The following TESK2 variants were observed in gnomAD, a reference collection of about 807,000 sequenced individuals.
TESK2 encodes the protein dual specificity testis-specific protein kinase 2.
Under a neutral mutation model 57.1 loss-of-function variants are expected in TESK2, and 39 were observed. That is an observed-to-expected ratio of 0.68 (90% CI 0.53 to 0.89). TESK2 has a LOEUF of 0.89. Ranked by LOEUF, TESK2 falls within the 40% of genes least tolerant of loss-of-function variation. TESK2 has a pLI of 0.00. For synonymous variants in TESK2, 249 were observed against 267.9 expected, an observed-to-expected ratio of 0.93 and a Z score of 0.69; for missense variants, 646 against 732.1, an observed-to-expected ratio of 0.88 and a Z score of 1.36.
intron 3 of TESK2, among the ~76,000 whole-genome samples, chr1:45,404,880 T>G (rs543384675): frequency 1.3e-5 from 2 of 152,054 alleles, no homozygotes; most frequent in South Asian, 4.1e-4. Context: ...AAAGATTAAG[T>G]GGCTCACCTA....
At chr1:45,354,180 T>C (rs1450564878) in intron 5 of TESK2, among the ~76,000 whole-genome samples, 1 of 152,204 alleles carries the variant, frequency 6.6e-6, no homozygotes, top group East Asian at 1.9e-4. Flanking sequence ...GAGATTGAAG[T>C]TAAACATGAA....
At chr1:45,433,617 A>G (rs966413959) in intron 2 of TESK2, among the ~76,000 whole-genome samples, 7 of 152,186 alleles carry the variant, frequency 4.6e-5, no homozygotes, top group Admixed American at 2.6e-4. Flanking sequence ...ACAGGATTTC[A>G]TACATTTTTA....
intron 3 of TESK2, among the ~76,000 whole-genome samples, chr1:45,388,247 C>A (rs532770720): frequency 6.6e-6 from 1 of 152,082 alleles, no homozygotes. Context: ...ATAAATTATG[C>A]AGAATGTGGT....
At chr1:45,407,545 C>T (rs1309421031) in intron 3 of TESK2, among the ~76,000 whole-genome samples, 1 of 152,060 alleles carries the variant, frequency 6.6e-6, no homozygotes, top group Non-Finnish European at 1.5e-5. Context: ...CCCATAATTC[C>T]CATTTTGGAG....
intron 2 of TESK2, among the ~76,000 whole-genome samples, chr1:45,453,371 A>G (rs2149298404): frequency 6.6e-6 from 1 of 150,740 alleles, no homozygotes; most frequent in African/African-American, 2.4e-5. Context: ...AAAGAGAGAG[A>G]GAGAGATAAA....
chr1:45,462,064 C>T (rs1652352814), intron 1 of TESK2, among the ~76,000 whole-genome samples: 3 of 152,256 alleles, frequency 2.0e-5, no homozygotes, highest in Admixed American at 2.0e-4. Flanking sequence ...TATTAACCAT[C>T]CCATTTCCCA....
At position 45,457,614 on chromosome 1, in the gene TESK2, C is replaced by A; in HGVS notation, c.172G>T (p.Asp58Tyr). The A allele has an allele frequency of 6.2e-7, 1 of 1,614,074 alleles. No homozygotes were observed. The highest frequency in any genetic ancestry group is 8.5e-7 in the Non-Finnish European group (1 of 1,180,000). The change falls in exon 2 of 11, where the codon GAT (aspartate) becomes TAT (tyrosine). Residue 58 changes from aspartate to tyrosine, a missense_variant. By Grantham distance (160) the Asp-to-Tyr change is radical. Transcript: ENST00000372086. ...GACCCTATTTTTTCACAGGTGAAAT[C>A]ATCCAAACGCGTCAGTCTGGAAAAG... Reference protein sequence around the residue: ...SAFSRLTRLDDFTCEKIGSGF... With the variant: ...SAFSRLTRLDYFTCEKIGSGF...
Position 45,345,028 on chromosome 1 carries a change from G to A in TESK2, c.1528C>T (p.His510Tyr). ...AGAATGGAGCAGTCCATAGCCTCAT[G>A]GGCTTGAGCAGCTGGTAGGGCAGAT... ...RASALPAAQA[H>Y]EAMDCSILQE... is the part of the protein sequence containing the mutation. The change falls in exon 11 of 11, where the codon CAT (histidine) becomes TAT (tyrosine). Residue 510 changes from histidine to tyrosine, a missense_variant. His to Tyr is a moderately conservative substitution (Grantham distance 83). Transcript: ENST00000372086. The A allele has an allele frequency of 6.2e-7, 1 of 1,614,234 alleles. No individual in the cohort carries two copies. The highest frequency in any genetic ancestry group is 8.5e-7 in the Non-Finnish European group (1 of 1,180,036).
Position 45,346,075 on chromosome 1 carries a change from T to C in TESK2, c.880-81A>G. On this transcript the variant is annotated intron_variant, in intron 9 of 10. Coordinates refer to ENST00000372086, the MANE Select transcript of TESK2 (RefSeq NM_007170.3). ...GGCATTTGAGTCTATTTCTGGCATC[T>C]TTGAAGATTCAGATGTGCAGCTGAG... 3 of 1,108,796 alleles carry C rather than the reference T, an allele frequency of 2.7e-6. No individual in the cohort carries two copies. The South Asian group carries it at 3.8e-5, about 14-fold the overall frequency. The allele number at this position is 1,108,796 out of a possible 1,614,324, so 68.7% of individuals were successfully genotyped here.
At chr1:45,369,686 A>C (rs1430859343) in intron 4 of TESK2, among the ~76,000 whole-genome samples, 1 of 151,378 alleles carries the variant, frequency 6.6e-6, no homozygotes, top group Non-Finnish European at 1.5e-5. Flanking sequence ...GCGGACTCTG[A>C]GGCCAGGTCT....
chr1:45,457,518 T>G (rs372750172), intron 2 of TESK2, 46 bp downstream of exon 2: 1 of 1,565,990 alleles, frequency 6.4e-7, no homozygotes, highest in African/African-American at 1.4e-5. Flanking sequence ...CTGCAGTAAA[T>G]GTGACCACAG....
chr1:45,434,866 T>A (rs1290914251), intron 2 of TESK2, among the ~76,000 whole-genome samples: 1 of 152,168 alleles, frequency 6.6e-6, no homozygotes, highest in South Asian at 2.1e-4. Flanking sequence ...ATTTGTCGAT[T>A]TTTGGTTTTG....
chr1:45,418,927 TA>T (rs1182643003), intron 3 of TESK2, among the ~76,000 whole-genome samples: 5 of 150,000 alleles, frequency 3.3e-5, no homozygotes, highest in Admixed American at 1.3e-4. Flanking sequence ...AAAAGTAATT[TA>T]AAAAAAAATT....
intron 2 of TESK2, among the ~76,000 whole-genome samples, chr1:45,425,244 G>A (rs1012481750): frequency 6.6e-6 from 1 of 152,126 alleles, no homozygotes; most frequent in African/African-American, 2.4e-5. Context: ...AAAATCAGTA[G>A]CATTTCTATA....
intron 2 of TESK2, among the ~76,000 whole-genome samples, chr1:45,451,288 C>T (rs531662352): frequency 5.9e-5 from 9 of 152,344 alleles, no homozygotes; most frequent in African/African-American, 1.4e-4. Context: ...CCAGAGTCTT[C>T]CTGTGCCCTT....
intron 3 of TESK2, among the ~76,000 whole-genome samples, chr1:45,386,887 T>G (rs551982388): frequency 2.0e-5 from 3 of 151,766 alleles, no homozygotes; most frequent in Non-Finnish European, 4.4e-5. Flanking sequence ...CTCTTGACCT[T>G]GTGATCCACC....
intron 4 of TESK2, among the ~76,000 whole-genome samples, chr1:45,368,637 A>C (rs1648050888): frequency 2.0e-5 from 3 of 151,400 alleles, no homozygotes. Context: ...GGCCTCCCAA[A>C]GTGCTGAGAT....
At chr1:45,384,522 C>T (rs546908721) in intron 4 of TESK2, among the ~76,000 whole-genome samples, 10 of 150,506 alleles carry the variant, frequency 6.6e-5, no homozygotes, top group African/African-American at 2.4e-4. Context: ...TGGGCTCAAG[C>T]AATCTTGCTG....
At chr1:45,425,959 A>C (rs867779830) in intron 2 of TESK2, among the ~76,000 whole-genome samples, 10 of 151,944 alleles carry the variant, frequency 6.6e-5, no homozygotes, top group African/African-American at 1.7e-4. Flanking sequence ...AGCCTGGCCA[A>C]CATGGTGAAA....
Sources: allele counts gnomAD v4.1 joint callset (sites outside exome capture counted in the v4.1 genomes callset), GRCh38; gene constraint gnomAD v4.1.1; transcripts MANE v1.5; gene names NCBI Gene and HGNC (gene_info 2026-07-23, HGNC 2026-07-21).